The following STOX1 variants were observed in gnomAD, a reference collection of about 807,000 sequenced individuals.
STOX1 encodes the protein storkhead box 1.
STOX1 carries 57 observed loss-of-function variants against 74.8 expected under a neutral mutation model. The ratio of observed to expected loss-of-function variants is 0.76; its 90% CI spans 0.62 to 0.95. The LOEUF is 0.95. Among genes scored for constraint, STOX1 ranks in the 40% least tolerant of loss-of-function variants. The pLI is 0.00. For synonymous variants in STOX1, 375 were observed against 401.3 expected (o/e 0.93, Z 0.78); for missense variants, 1,010 against 1,117.0 (o/e 0.90, Z 1.37).
chr10:68,855,123 AAT>A (rs1491478309), intron 1 of STOX1, among the ~76,000 whole-genome samples: 2 of 88,390 alleles, frequency 2.3e-5, no homozygotes, highest in East Asian at 3.3e-4. Context: ...CTTAAAAAAA[AAT>A]TTTTTTTTTT....
At chr10:68,850,562 C>T (rs1045954803) in intron 1 of STOX1, among the ~76,000 whole-genome samples, 1 of 152,228 alleles carries the variant, frequency 6.6e-6, no homozygotes, top group Non-Finnish European at 1.5e-5. Flanking sequence ...ACAGTGCCTT[C>T]TATTTCCATT....
intron 3 of STOX1, among the ~76,000 whole-genome samples, chr10:68,891,288 GT>G (rs1486952099): frequency 2.0e-5 from 3 of 152,122 alleles, no homozygotes; most frequent in Non-Finnish European, 4.4e-5. Context: ...ACAAGACATT[GT>G]TTCTACTTAC....
At chr10:68,861,207 A>G (rs899368592) in intron 1 of STOX1, among the ~76,000 whole-genome samples, 18 of 152,148 alleles carry the variant, frequency 1.2e-4, no homozygotes, top group Non-Finnish European at 1.5e-5. Flanking sequence ...TTCAGAGCTG[A>G]GAGCCTCAAA....
chr10:68,852,912 A>G (rs1840025034), intron 1 of STOX1, among the ~76,000 whole-genome samples: 1 of 151,110 alleles, frequency 6.6e-6, no homozygotes, highest in South Asian at 2.1e-4. Context: ...TACCTGTGTG[A>G]CTGGGAAACA....
chr10:68,855,376 C>G (rs112291772), intron 1 of STOX1, among the ~76,000 whole-genome samples: 3,316 of 151,942 alleles, frequency 0.022, 148 homozygotes, highest in African/African-American at 0.076. Flanking sequence ...CCGCCTTGGC[C>G]TCCCAAAGTG....
intron 1 of STOX1, among the ~76,000 whole-genome samples, chr10:68,849,155 A>T (rs12266299): frequency 0.03 from 4,592 of 152,216 alleles, 137 homozygotes; most frequent in African/African-American, 0.076. Flanking sequence ...CTTTCTTCTG[A>T]ATTAGGACTA....
At chr10:68,868,926 T>C (rs1840470850) in intron 1 of STOX1, among the ~76,000 whole-genome samples, 1 of 152,222 alleles carries the variant, frequency 6.6e-6, no homozygotes, top group Non-Finnish European at 1.5e-5. Context: ...ATTATTCATC[T>C]TGAAGAGCTG....
Position 68,892,726 on chromosome 10 carries a change from T to C in STOX1, c.2960T>C (p.Ile987Thr), listed in dbSNP as rs1229774876. 1 of 1,613,868 alleles carries C rather than the reference T, an allele frequency of 6.2e-7. No individual in the cohort carries two copies. Among genetic ancestry groups the C allele is most frequent in the South Asian group, 1.1e-5 (1 of 91,044 alleles). The change falls in exon 4 of 4, where the codon ATA becomes ACA. Residue 987 changes from isoleucine to threonine, a missense_variant. Ile to Thr is a moderately conservative substitution (Grantham distance 89). Transcript: ENST00000298596. ...SNSLLPLTPVINV is the reference protein window; with the variant it reads ...SNSLLPLTPVTNV ...TCCTTACTACCGCTAACTCCAGTCA[T>C]AAACGTTTAATTTTCTTTTGGAAAC...
chr10:68,857,893 C>G (rs887311605), intron 1 of STOX1, among the ~76,000 whole-genome samples: 1 of 152,176 alleles, frequency 6.6e-6, no homozygotes, highest in South Asian at 2.1e-4. Flanking sequence ...AGCAGGAGAA[C>G]TGGCTGTGGG....
intron 1 of STOX1, among the ~76,000 whole-genome samples, chr10:68,837,588 A>G (rs1418211452): frequency 2.0e-5 from 3 of 152,176 alleles, no homozygotes; most frequent in Admixed American, 6.5e-5. Context: ...TCTTTCATCA[A>G]TGGTTGTCTG....
intron 1 of STOX1, among the ~76,000 whole-genome samples, chr10:68,844,144 C>T (rs1303622121): frequency 1.3e-5 from 2 of 150,970 alleles, no homozygotes; most frequent in Non-Finnish European, 2.9e-5. Context: ...CGCGCCACTG[C>T]ACTCCAGCCT....
chr10:68,832,402 G>A (rs1384085559), intron 1 of STOX1, among the ~76,000 whole-genome samples: 1 of 152,218 alleles, frequency 6.6e-6, no homozygotes, highest in East Asian at 1.9e-4. Context: ...GCCATGCCTG[G>A]TGGCTCTTGC....
chr10:68,857,472 G>A (rs1337935713), intron 1 of STOX1, among the ~76,000 whole-genome samples: 1 of 152,002 alleles, frequency 6.6e-6, no homozygotes, highest in African/African-American at 2.4e-5. Flanking sequence ...TATGTCCTAG[G>A]CATGTCTCCA....
chr10:68,845,611 A>T (rs1191153187), intron 1 of STOX1, among the ~76,000 whole-genome samples: 2 of 137,702 alleles, frequency 1.5e-5, no homozygotes, highest in African/African-American at 2.7e-5. Flanking sequence ...TTTTATTTTT[A>T]TTTTTTTTGG....
At chr10:68,828,558 G>A (rs1439079654) in intron 1 of STOX1, among the ~76,000 whole-genome samples, 1 of 152,240 alleles carries the variant, frequency 6.6e-6, no homozygotes, top group Non-Finnish European at 1.5e-5. Flanking sequence ...GTGCACAGAA[G>A]GAACTTTCTG....
chr10:68,855,210 T>C (rs2133546796), intron 1 of STOX1, among the ~76,000 whole-genome samples: 1 of 150,160 alleles, frequency 6.7e-6, no homozygotes, highest in East Asian at 2.0e-4. Flanking sequence ...AACCTCCGTC[T>C]CCTGGGTTCA....
chr10:68,877,552 G>GTTTTCT (rs1312433986), intron 1 of STOX1, among the ~76,000 whole-genome samples: 1 of 152,186 alleles, frequency 6.6e-6, no homozygotes, highest in African/African-American at 2.4e-5. Context: ...TTGACTATTA[G>GTTTTCT]TTTTCTTATG....
Position 68,884,883 on chromosome 10 carries a change from A to G in STOX1, c.1087A>G (p.Lys363Glu), listed in dbSNP as rs1840900922. 1.9e-6 allele frequency: 3 copies of G among 1,614,042 alleles called. No individual in the cohort carries two copies. Among genetic ancestry groups the G allele is most frequent in the Non-Finnish European group, 2.5e-6 (3 of 1,179,942 alleles). Reference protein sequence around the residue: ...IPRDVEHEIIKRINPILTVDN... With the variant: ...IPRDVEHEIIERINPILTVDN... ...TCGAGATGTTGAACATGAGATAATC[A>G]AACGAATTAACCCCATTTTGACTGT... Residue 363 changes from lysine to glutamate, a missense_variant, in exon 3 of 4, where the codon AAA becomes GAA. Transcript: ENST00000298596.
chr10:68,883,677 G>C (rs1840865167), intron 2 of STOX1, among the ~76,000 whole-genome samples: 1 of 150,150 alleles, frequency 6.7e-6, no homozygotes, highest in African/African-American at 2.5e-5. Context: ...GCCTCCCAAA[G>C]TGCTGGGATT....
Sources: allele counts gnomAD v4.1 joint callset (sites outside exome capture counted in the v4.1 genomes callset), GRCh38; gene constraint gnomAD v4.1.1; transcripts MANE v1.5; gene names NCBI Gene and HGNC (gene_info 2026-07-23, HGNC 2026-07-21).